Variants in C1orf146 observed in about 807,000 individuals in gnomAD.
C1orf146 encodes the protein protein SPO16 homolog.
Under a neutral mutation model 23.0 loss-of-function variants are expected in C1orf146, and 22 were observed. The ratio of observed to expected loss-of-function variants is 0.96; its 90% CI spans 0.68 to 1.36. The LOEUF is 1.36. C1orf146 is among the 40% of genes most tolerant of loss of function. The pLI is 0.00. For synonymous variants in C1orf146, 59 were observed against 65.3 expected (o/e 0.90, Z 0.47); for missense variants, 199 against 206.8 (o/e 0.96, Z 0.23).
intron 1 of C1orf146, among the ~76,000 whole-genome samples, chr1:92,221,467 A>G (rs1299456120): frequency 6.6e-6 from 1 of 152,096 alleles, no homozygotes; most frequent in Admixed American, 6.5e-5. Context: ...CTGCACATAT[A>G]CCCCCTGAAT....
intron 2 of C1orf146, 21 bp downstream of exon 2, chr1:92,231,507 C>T (rs750065559): frequency 1.3e-6 from 2 of 1,554,608 alleles, no homozygotes; most frequent in South Asian, 2.4e-5. Flanking sequence ...ATTTGGGCCA[C>T]TGATCTTTAA....
rs1249572611 is a variant in C1orf146, at chr1:92,218,068, G to A, written c.-40+20G>A. 6.6e-6 allele frequency: 1 copy of A among 152,378 alleles called. No individual in the cohort carries two copies. The highest frequency in any genetic ancestry group is 2.4e-5 in the African/African-American group (1 of 41,464). 9.4% of individuals were successfully genotyped at this position (152,378 alleles called of 1,614,324 possible). On this transcript the variant is annotated intron_variant, in intron 1 of 5. Coordinates refer to ENST00000370375, the MANE Select transcript of C1orf146 (RefSeq NM_001012425.2). The stretch of plus-strand genomic sequence containing the variant: ...GAGCAGGTGGGTTTGCAGCGCTGGG[G>A]ATGAGGCCTCGGCAGACCTGTCTCT...
chr1:92,226,200 T>C (rs972622088), intron 1 of C1orf146, among the ~76,000 whole-genome samples: 2 of 152,222 alleles, frequency 1.3e-5, no homozygotes, highest in Non-Finnish European at 2.9e-5. Context: ...TTTCGTGTTA[T>C]AGGAATATTT....
At chr1:92,223,071 TGGG>T (rs985464847) in intron 1 of C1orf146, among the ~76,000 whole-genome samples, 5 of 152,142 alleles carry the variant, frequency 3.3e-5, no homozygotes, top group Non-Finnish European at 7.3e-5. Flanking sequence ...ATTCACCTGT[TGGG>T]GGGCATTTGG....
chr1:92,239,850 A>G (rs1051277576), intron 2 of C1orf146, among the ~76,000 whole-genome samples: 4 of 152,090 alleles, frequency 2.6e-5, no homozygotes, highest in Non-Finnish European at 1.5e-5. Flanking sequence ...TTGCATTGTC[A>G]CTCATTCACA....
intron 2 of C1orf146, among the ~76,000 whole-genome samples, chr1:92,236,729 G>A (rs1478190542): frequency 5.3e-5 from 8 of 152,100 alleles, no homozygotes; most frequent in South Asian, 2.1e-4. Context: ...CATTCTCCCC[G>A]TCACTTTCAG....
chr1:92,232,325 G>A (rs1652148464), intron 2 of C1orf146, among the ~76,000 whole-genome samples: 1 of 139,128 alleles, frequency 7.2e-6, no homozygotes, highest in Non-Finnish European at 1.5e-5. Context: ...TGTTCTCATT[G>A]TTCAATTTCC....
At chr1:92,222,535 G>GTTTTTTT in intron 1 of C1orf146, among the ~76,000 whole-genome samples, 1 of 60,570 alleles carries the variant, frequency 1.7e-5, no homozygotes, top group Non-Finnish European at 3.0e-5. Context: ...CCCTTCTTCG[G>GTTTTTTT]TTTTTTTTTT....
intron 1 of C1orf146, among the ~76,000 whole-genome samples, chr1:92,222,052 A>G (rs1371845859): frequency 6.6e-6 from 1 of 152,142 alleles, no homozygotes; most frequent in Non-Finnish European, 1.5e-5. Context: ...ATCCTGGCCA[A>G]TGTGGCGAAA....
chr1:92,236,512 C>A (rs1262369823), intron 2 of C1orf146, among the ~76,000 whole-genome samples: 1 of 152,132 alleles, frequency 6.6e-6, no homozygotes. Context: ...TTGTGGGTAA[C>A]CCGACCTTTC....
intron 5 of C1orf146, among the ~76,000 whole-genome samples, chr1:92,245,264 C>G (rs774461311): frequency 2.0e-5 from 3 of 152,144 alleles, no homozygotes; most frequent in Non-Finnish European, 4.4e-5. Flanking sequence ...ACCTCCAACC[C>G]CCTAGGCAGA....
rs1203598496 is a variant in C1orf146, at chr1:92,244,782, C to G, written c.333C>G (p.Phe111Leu). ...WKLMFRIQQR[F>L]LGCNLRILPV... is the part of the protein sequence containing the mutation. ...TATAACATGAATTGTTTTTCAGATT[C>G]CTGGGTTGTAACTTACGAATACTTC... Residue 111 changes from phenylalanine to leucine, a missense_variant, in exon 5 of 6, where the codon TTC becomes TTG. By Grantham distance (22) the Phe-to-Leu change is conservative. Coordinates refer to ENST00000370375, the MANE Select transcript of C1orf146 (RefSeq NM_001012425.2). 6.3e-7 allele frequency: 1 copy of G among 1,594,856 alleles called. No individual in the cohort carries two copies. Among genetic ancestry groups the G allele is most frequent in the African/African-American group, 1.3e-5 (1 of 74,610 alleles).
At chr1:92,232,104 A>G (rs1219153684) in intron 2 of C1orf146, among the ~76,000 whole-genome samples, 1 of 151,770 alleles carries the variant, frequency 6.6e-6, no homozygotes, top group Non-Finnish European at 1.5e-5. Context: ...ATTTTCATAA[A>G]TTATATATAT....
At chr1:92,241,374 C>A (rs1284341074) in intron 2 of C1orf146, among the ~76,000 whole-genome samples, 2 of 151,962 alleles carry the variant, frequency 1.3e-5, no homozygotes, top group African/African-American at 2.4e-5. Context: ...CCATGCCCAG[C>A]TAATTTTTGT....
chr1:92,244,119 C>T (rs2100751163), intron 3 of C1orf146, 98 bp from the exon 4 acceptor site: 1 of 657,914 alleles, frequency 1.5e-6, no homozygotes, highest in East Asian at 2.8e-5. Context: ...GGCTTGGACA[C>T]ATGTGGTATA....
intron 2 of C1orf146, among the ~76,000 whole-genome samples, chr1:92,234,916 T>G (rs1470997902): frequency 6.6e-6 from 1 of 152,226 alleles, no homozygotes; most frequent in Non-Finnish European, 1.5e-5. Context: ...TTTGTAGTAT[T>G]CTCTGATGGT....
chr1:92,224,779 G>A (rs1412997016), intron 1 of C1orf146, among the ~76,000 whole-genome samples: 2 of 151,386 alleles, frequency 1.3e-5, no homozygotes, highest in Admixed American at 6.6e-5. Context: ...CGTTTGAGAC[G>A]GAGTCTTGCT....
intron 2 of C1orf146, among the ~76,000 whole-genome samples, chr1:92,235,416 A>G (rs891030806): frequency 3.3e-5 from 5 of 152,064 alleles, no homozygotes; most frequent in Admixed American, 6.6e-5. Context: ...GTAGTTGAGC[A>G]GTTTTGAGTG....
At chr1:92,230,113 T>C (rs1652076623) in intron 1 of C1orf146, among the ~76,000 whole-genome samples, 1 of 152,116 alleles carries the variant, frequency 6.6e-6, no homozygotes, top group Admixed American at 6.5e-5. Context: ...AGTGCAGTGG[T>C]TCTTAAAGTG....
Sources: allele counts gnomAD v4.1 joint callset (sites outside exome capture counted in the v4.1 genomes callset), GRCh38; gene constraint gnomAD v4.1.1; transcripts MANE v1.5; gene names NCBI Gene and HGNC (gene_info 2026-07-23, HGNC 2026-07-21).